The following RGS7 variants were observed in gnomAD, a reference collection of about 807,000 sequenced individuals.
RGS7 encodes the protein regulator of G protein signaling 7.
RGS7 carries 27 observed loss-of-function variants against 81.1 expected under a neutral mutation model. The ratio of observed to expected loss-of-function variants is 0.33; its 90% CI spans 0.25 to 0.46. The LOEUF (loss-of-function observed/expected upper bound fraction) is 0.46, where lower values mean the gene tolerates loss of function less well. RGS7 is among the 20% of genes least tolerant of loss of function. The pLI is 1.00. For synonymous variants in RGS7, 208 were observed against 207.7 expected (o/e 1.00, Z -0.01); for missense variants, 396 against 607.4 (o/e 0.65, Z 3.66).
chr1:240,781,072 T>A (rs1683973641), intron 18 of RGS7, among the ~76,000 whole-genome samples: 1 of 152,314 alleles, frequency 6.6e-6, no homozygotes, highest in South Asian at 2.1e-4. Flanking sequence ...TGGTTTTGTT[T>A]TTATTTTTTC....
chr1:241,018,551 A>G (rs1314672116), intron 3 of RGS7, among the ~76,000 whole-genome samples: 1 of 151,902 alleles, frequency 6.6e-6, no homozygotes, highest in Non-Finnish European at 1.5e-5. Context: ...TTTGGGGGAT[A>G]TTCTTGGTAC....
intron 4 of RGS7, among the ~76,000 whole-genome samples, chr1:240,950,561 G>A (rs1679390624): frequency 6.6e-6 from 1 of 152,184 alleles, no homozygotes; most frequent in African/African-American, 2.4e-5. Context: ...TATACTTCTG[G>A]AGAACACTTG....
intron 5 of RGS7, among the ~76,000 whole-genome samples, chr1:240,932,572 G>C (rs113807879): frequency 7.0e-6 from 1 of 143,316 alleles, no homozygotes; most frequent in Admixed American, 7.3e-5. Flanking sequence ...GCAGTGGTGC[G>C]GTCTCAGCTC....
At chr1:241,066,053 T>G (rs2148850202) in intron 3 of RGS7, among the ~76,000 whole-genome samples, 1 of 152,342 alleles carries the variant, frequency 6.6e-6, no homozygotes, top group Non-Finnish European at 1.5e-5. Flanking sequence ...AAGTGGAAGT[T>G]AAGTGTAGCA....
intron 6 of RGS7, among the ~76,000 whole-genome samples, chr1:240,889,770 G>T (rs1163066617): frequency 1.3e-5 from 2 of 152,096 alleles, no homozygotes; most frequent in African/African-American, 4.8e-5. Flanking sequence ...AGATCAGTCT[G>T]ATATGACGCA....
intron 6 of RGS7, among the ~76,000 whole-genome samples, chr1:240,876,771 G>A (rs1665490065): frequency 6.6e-6 from 1 of 152,100 alleles, no homozygotes; most frequent in Non-Finnish European, 1.5e-5. Flanking sequence ...GACCAGCCTG[G>A]ATAACATGGT....
chr1:241,155,647 A>G (rs1266977833), intron 2 of RGS7, among the ~76,000 whole-genome samples: 1 of 152,070 alleles, frequency 6.6e-6, no homozygotes. Flanking sequence ...CACCTTTTAA[A>G]TAAGGTTGTC....
chr1:241,142,944 C>T (rs2068039398), intron 2 of RGS7, among the ~76,000 whole-genome samples: 1 of 152,306 alleles, frequency 6.6e-6, no homozygotes, highest in Middle Eastern at 3.4e-3. Context: ...TTAGAAATTT[C>T]TTCCGCCAGA....
chr1:240,779,311 C>G (rs185780223), intron 18 of RGS7, among the ~76,000 whole-genome samples: 1 of 151,974 alleles, frequency 6.6e-6, no homozygotes, highest in Non-Finnish European at 1.5e-5. Flanking sequence ...CATGCACCAC[C>G]ACGCCCGGCT....
intron 5 of RGS7, among the ~76,000 whole-genome samples, chr1:240,934,204 C>T (rs1676199152): frequency 6.6e-6 from 1 of 152,178 alleles, no homozygotes; most frequent in Non-Finnish European, 1.5e-5. Context: ...TCATGATCTG[C>T]CCACCTCTGC....
At chr1:241,258,664 A>C (rs1043112711) in intron 2 of RGS7, among the ~76,000 whole-genome samples, 6 of 152,208 alleles carry the variant, frequency 3.9e-5, no homozygotes, top group African/African-American at 1.4e-4. Context: ...TTAGAGTCCT[A>C]ACAAGGAACA....
chr1:240,814,791 T>C lies in RGS7; in HGVS notation c.784-14A>G, dbSNP rs766054556. The C allele has an allele frequency of 6.6e-7, 1 of 1,522,772 alleles. No homozygotes were observed. The highest frequency in any genetic ancestry group is 9.1e-7 in the Non-Finnish European group (1 of 1,097,296). 94.3% of individuals were successfully genotyped at this position (1,522,772 alleles called of 1,614,324 possible). On this transcript the variant is annotated splice_polypyrimidine_tract_variant and intron_variant, in intron 11 of 18. Transcript: ENST00000440928. ...CCAATATTTTATCTGAAAAGAGGGT[T>C]AGAGAAGGAGTTACATAAGTAATGA...
chr1:241,256,976 T>C (rs2077083547), intron 2 of RGS7, among the ~76,000 whole-genome samples: 1 of 151,804 alleles, frequency 6.6e-6, no homozygotes, highest in Non-Finnish European at 1.5e-5. Flanking sequence ...TGTGTATCTA[T>C]ATATACATAT....
At chr1:241,083,609 T>C (rs2063273231) in intron 3 of RGS7, among the ~76,000 whole-genome samples, 1 of 152,208 alleles carries the variant, frequency 6.6e-6, no homozygotes, top group African/African-American at 2.4e-5. Flanking sequence ...ATTGGTCATG[T>C]CTCTTGCGGA....
intron 2 of RGS7, among the ~76,000 whole-genome samples, chr1:241,195,138 A>G (rs957003494): frequency 5.3e-5 from 8 of 152,350 alleles, no homozygotes; most frequent in African/African-American, 1.9e-4. Flanking sequence ...GCAAGTTTTC[A>G]TCTAAAATGT....
Position 241,011,549 on chromosome 1 carries a change from G to C in RGS7, c.176-28420C>G, listed in dbSNP as rs568210849. ...TTAGATGATGGTGTCAAAGGCATTC[G>C]AACCAGAGTGACTCCATCTTGAGTA... On this transcript the variant is annotated intron_variant, in intron 3 of 18. Coordinates refer to ENST00000440928, the MANE Select transcript of RGS7 (RefSeq NM_001364886.1). 2.6e-5 allele frequency among the ~76,000 whole-genome samples: 4 copies of C among 152,138 alleles called. No homozygotes were observed. The East Asian group carries it at 7.7e-4, about 29-fold the overall frequency.
In RGS7 at chr1:240,812,031, G is replaced by C; in HGVS notation, c.969C>G (p.Ser323Arg). ...FWELEASKEP[S>R]QQRVKRWGFG... ...AACCCCATCGTTTTACCCTCTGCTG[G>C]CTCGGTTCTTTGCTATAGAAGATAA... Residue 323 changes from serine (S) to arginine (R), a missense_variant, in exon 14 of 19, where the codon AGC becomes AGG. Physicochemically the swap from Ser to Arg is moderately radical, Grantham distance 110. Transcript: ENST00000440928. The C allele has an allele frequency of 3.7e-6, 6 of 1,614,066 alleles. No individual in the cohort carries two copies. Among genetic ancestry groups the C allele is most frequent in the South Asian group, 1.1e-5 (1 of 91,068 alleles).
chr1:241,338,240 G>C (rs994445755), intron 2 of RGS7, among the ~76,000 whole-genome samples: 2 of 152,102 alleles, frequency 1.3e-5, no homozygotes, highest in African/African-American at 4.8e-5. Context: ...ATAGTACCGA[G>C]GGGGGAAATT....
chr1:241,302,167 T>C (rs528553107), intron 2 of RGS7, among the ~76,000 whole-genome samples: 34 of 152,110 alleles, frequency 2.2e-4, no homozygotes, highest in African/African-American at 7.5e-4. Flanking sequence ...GGCCCTGAGG[T>C]GAGAGCAGGC....
Sources: gnomAD v4.1 joint callset for allele counts (sites outside exome capture counted in the v4.1 genomes callset) on GRCh38, gnomAD v4.1.1 for gene constraint, MANE v1.5 for transcripts, NCBI Gene and HGNC (gene_info 2026-07-23, HGNC 2026-07-21) for gene names.